Variants in IPCEF1 observed in about 807,000 individuals in gnomAD.
IPCEF1 encodes interaction protein for cytohesin exchange factors 1, also known as interactor protein for cytohesin exchange factors 1.
Under a neutral mutation model 50.9 loss-of-function variants are expected in IPCEF1, and 31 were observed. The observed-to-expected ratio is 0.61, with a 90% CI of 0.46 to 0.82. The LOEUF (loss-of-function observed/expected upper bound fraction) is 0.82, where lower values mean the gene tolerates loss of function less well. Among genes scored for constraint, IPCEF1 ranks in the 40% least tolerant of loss-of-function variants. The pLI, the probability that IPCEF1 is intolerant of heterozygous loss-of-function variation, is 0.00. For synonymous variants in IPCEF1, 181 were observed against 192.0 expected (o/e 0.94, Z 0.47); for missense variants, 458 against 514.0 (o/e 0.89, Z 1.05).
chr6:154,238,231 C>T (rs1304969535), intron 5 of IPCEF1, among the ~76,000 whole-genome samples: 1 of 152,044 alleles, frequency 6.6e-6, no homozygotes, highest in Non-Finnish European at 1.5e-5. Flanking sequence ...TGTCTAAACT[C>T]GTGCCATGGT....
intron 5 of IPCEF1, among the ~76,000 whole-genome samples, chr6:154,240,965 C>T (rs77891520): frequency 3.9e-5 from 6 of 152,210 alleles, no homozygotes; most frequent in Admixed American, 2.0e-4. Flanking sequence ...GGGCCAGGTG[C>T]GGTGGCTCAT....
rs1467589616 is a variant in IPCEF1 at position 154,156,930 on chromosome 6, T to C, written c.*2898A>G. ...CTAATCTTTAGCAGGTGCCACAGATTTGGATCTACGTGTGCTGAGAGATTC... is the reference window on the plus strand; with the variant it reads ...CTAATCTTTAGCAGGTGCCACAGATCTGGATCTACGTGTGCTGAGAGATTC... On this transcript the variant is annotated 3_prime_UTR_variant, in exon 12 of 12. Coordinates refer to ENST00000367220, the MANE Select transcript of IPCEF1 (RefSeq NM_001130700.2). The C allele has an allele frequency of 6.6e-6, 1 of 152,254 alleles. No individual in the cohort carries two copies. The highest frequency in any genetic ancestry group is 1.9e-4 in the East Asian group (1 of 5,190). The allele number at this position is 152,254 out of a possible 1,614,324, so 9.4% of individuals were successfully genotyped here.
chr6:154,312,071 G>A (rs996560026), intron 1 of IPCEF1, among the ~76,000 whole-genome samples: 22 of 152,086 alleles, frequency 1.4e-4, no homozygotes, highest in African/African-American at 5.1e-4. Flanking sequence ...TTTGTCCATC[G>A]ACAGATGAAC....
At position 154,168,310 on chromosome 6, in the gene IPCEF1, C is replaced by T. The variant is rs1272557075; in HGVS notation, c.911-197G>A. 6.6e-6 allele frequency among the ~76,000 whole-genome samples: 1 copy of T among 152,110 alleles called. No homozygotes were observed. Among genetic ancestry groups the T allele is most frequent in the Non-Finnish European group, 1.5e-5 (1 of 68,016 alleles). On this transcript the variant is annotated intron_variant, in intron 10 of 11. Transcript: ENST00000367220. The surrounding 1 kb of genome is among the most constrained non-coding windows in gnomAD (Gnocchi z 4.1). ...ACTTTGTTACTGCAGAGCCACGTTC[C>T]CTGTGAAGGCACCAGGGAAGGAGTT...
At chr6:154,339,795 T>C (rs1269004443) in intron 1 of IPCEF1, among the ~76,000 whole-genome samples, 1 of 152,080 alleles carries the variant, frequency 6.6e-6, no homozygotes, top group African/African-American at 2.4e-5. Flanking sequence ...GGGGTCTCAC[T>C]ATGTATAACC....
chr6:154,194,474 G>A lies in IPCEF1; in HGVS notation c.910+5194C>T, dbSNP rs2128585081. Among the ~76,000 whole-genome samples, 2 of 152,136 alleles carry A rather than the reference G, an allele frequency of 1.3e-5. 1 individual carries two copies. The highest frequency in any genetic ancestry group is 4.2e-4 in the South Asian group (2 of 4,812). On this transcript the variant is annotated intron_variant, in intron 10 of 11. Transcript: ENST00000367220. ...ATTCCTCTTACCTTATTCACATTCTGTCTCTTCTGAACCTACTACCTTCCT... is the reference window on the plus strand; with the variant it reads ...ATTCCTCTTACCTTATTCACATTCTATCTCTTCTGAACCTACTACCTTCCT...
Position 154,288,342 on chromosome 6 carries a change from C to T in IPCEF1, c.-18+1371G>A, listed in dbSNP as rs145001451. ...TACCAGGATTTCAGTTATATCTATA[C>T]AGTCACAGAAAGATGTGTCCTTAAT... On this transcript the variant is annotated intron_variant, in intron 2 of 11. Transcript: ENST00000367220. Among the ~76,000 whole-genome samples the T allele has an allele frequency of 6.4e-3, 969 of 152,290 alleles. 10 individuals are homozygous for T. Among genetic ancestry groups the T allele is most frequent in the African/African-American group, 0.022 (899 of 41,578 alleles).
intron 1 of IPCEF1, among the ~76,000 whole-genome samples, chr6:154,309,857 C>T (rs758981453): frequency 7.2e-5 from 11 of 151,786 alleles, no homozygotes; most frequent in South Asian, 2.1e-4. Context: ...TCCGCCTCCC[C>T]GGTTCAAGCA....
At position 154,299,543 on chromosome 6, in the gene IPCEF1, C is replaced by T. The variant is rs1319500526; in HGVS notation, c.-61-9787G>A. 5.7e-5 allele frequency among the ~76,000 whole-genome samples: 8 copies of T among 140,640 alleles called. 1 individual carries two copies. Among genetic ancestry groups the T allele is most frequent in the African/African-American group, 2.0e-4 (8 of 39,388 alleles). The allele number at this position is 140,640 out of a possible 152,430, so 92.3% of individuals were successfully genotyped here. A position where few individuals can be genotyped will look rare whatever the true frequency, so the allele number is the denominator to read the frequency against. On this transcript the variant is annotated intron_variant, in intron 1 of 11. Transcript: ENST00000367220. ...CCCTCACTTATAAGTGGGAGCTGAA[C>T]GATGAGAAAACATGGACACATGAAG...
intron 1 of IPCEF1, among the ~76,000 whole-genome samples, chr6:154,331,630 C>T (rs1050688563): frequency 6.6e-6 from 1 of 152,042 alleles, no homozygotes; most frequent in Non-Finnish European, 1.5e-5. Flanking sequence ...AGCAGCTTCC[C>T]AATAAGATCC....
chr6:154,288,993 G>T (rs1454505397), intron 2 of IPCEF1, among the ~76,000 whole-genome samples: 3 of 152,108 alleles, frequency 2.0e-5, no homozygotes, highest in African/African-American at 7.2e-5. Context: ...GCTGCAGTGA[G>T]CCACGATCAT....
chr6:154,325,981 T>C (rs1783508266), intron 1 of IPCEF1, among the ~76,000 whole-genome samples: 1 of 152,088 alleles, frequency 6.6e-6, no homozygotes, highest in Admixed American at 6.6e-5. Flanking sequence ...ATCCCAGCAT[T>C]TTGGGAGGCC....
chr6:154,355,092 A>G (rs1367201742), intron 1 of IPCEF1, among the ~76,000 whole-genome samples: 2 of 151,944 alleles, frequency 1.3e-5, no homozygotes, highest in South Asian at 2.1e-4. Context: ...CTGTACTGCA[A>G]TTATCAGCTC....
chr6:154,179,224 T>C (rs1800624931), intron 10 of IPCEF1, among the ~76,000 whole-genome samples: 1 of 152,118 alleles, frequency 6.6e-6, no homozygotes, highest in Admixed American at 6.5e-5. Context: ...CCAAAGCAAA[T>C]GTGAGAATCC....
At chr6:154,170,435 A>G (rs903740296) in intron 10 of IPCEF1, among the ~76,000 whole-genome samples, 1 of 152,194 alleles carries the variant, frequency 6.6e-6, no homozygotes, top group Non-Finnish European at 1.5e-5. Flanking sequence ...ACGATTAGAA[A>G]CCTTTATGCA....
chr6:154,192,279 G>A (rs4626437), intron 10 of IPCEF1, among the ~76,000 whole-genome samples: 14,367 of 150,544 alleles, frequency 0.095, 1,076 homozygotes, highest in African/African-American at 0.21. Context: ...TTTGCTGGCT[G>A]ATTTCTGTTT....
At chr6:154,179,807 G>C (rs550725241) in intron 10 of IPCEF1, among the ~76,000 whole-genome samples, 33 of 152,112 alleles carry the variant, frequency 2.2e-4, no homozygotes, top group Non-Finnish European at 4.4e-4. Context: ...CTTTCACACC[G>C]TGCAGAATCA....
At chr6:154,354,181 T>A (rs1347726147) in intron 1 of IPCEF1, among the ~76,000 whole-genome samples, 1 of 152,158 alleles carries the variant, frequency 6.6e-6, no homozygotes, top group East Asian at 1.9e-4. Context: ...TTCAGAGATA[T>A]AGATTTTGAA....
chr6:154,344,059 T>C (rs1783976153), intron 1 of IPCEF1, among the ~76,000 whole-genome samples: 1 of 152,214 alleles, frequency 6.6e-6, no homozygotes, highest in Non-Finnish European at 1.5e-5. Context: ...CCCTGAGCCC[T>C]ATGCAAATCA....
Sources: gnomAD v4.1 joint callset for allele counts (sites outside exome capture counted in the v4.1 genomes callset) on GRCh38, gnomAD v4.1.1 for gene constraint, Gnocchi (gnomAD v3.1) non-coding constraint, MANE v1.5 for transcripts, NCBI Gene and HGNC (gene_info 2026-07-23, HGNC 2026-07-21) for gene names.